Variants in MRLN observed in about 807,000 individuals in gnomAD.
MRLN encodes myoregulin, also known as Linc-RNA activator of myogenesis.
intron 1 of MRLN, among the ~76,000 whole-genome samples, chr10:59,745,492 C>G (rs955955178): frequency 7.5e-5 from 9 of 120,650 alleles, no homozygotes; most frequent in Admixed American, 2.5e-4. Flanking sequence ...ATTCCCCCCC[C>G]CACCCCCCAC....
chr10:59,743,440 T>C (rs980361589), intron 1 of MRLN, among the ~76,000 whole-genome samples: 6 of 152,178 alleles, frequency 3.9e-5, no homozygotes, highest in African/African-American at 1.2e-4. Context: ...AATGAAAGTA[T>C]GTAACTTCTA....
chr10:59,752,721 G>T (rs2070171656), intron 1 of MRLN, among the ~76,000 whole-genome samples: 1 of 152,166 alleles, frequency 6.6e-6, no homozygotes, highest in Admixed American at 6.5e-5. Flanking sequence ...TGGGCTTCAG[G>T]GTCCCCCTTT....
At chr10:59,746,644 C>CAGTT (rs1319463025) in intron 1 of MRLN, among the ~76,000 whole-genome samples, 1 of 152,164 alleles carries the variant, frequency 6.6e-6, no homozygotes, top group Non-Finnish European at 1.5e-5. Flanking sequence ...GAAGGGCTGA[C>CAGTT]AGTTACCCCT....
chr10:59,746,624 G>A (rs894766892), intron 1 of MRLN, among the ~76,000 whole-genome samples: 2 of 152,148 alleles, frequency 1.3e-5, no homozygotes, highest in Non-Finnish European at 2.9e-5. Context: ...AGCTGGTTGT[G>A]GATGGGATGG....
At chr10:59,753,331 A>C (rs905262103) in intron 1 of MRLN, 23 bp downstream of exon 1, 6 of 132,816 alleles carry the variant, frequency 4.5e-5, no homozygotes, top group Non-Finnish European at 9.7e-5. Flanking sequence ...ACAAAACAAA[A>C]CAAACAAAAA....
Position 59,744,484 on chromosome 10 carries a change from A to T in MRLN, c.-124-5922T>A, listed in dbSNP as rs1205481000. 2.1e-5 allele frequency among the ~76,000 whole-genome samples: 3 copies of T among 144,734 alleles called. No homozygotes were observed. The East Asian group carries it at 6.6e-4, about 32-fold the overall frequency. The allele number at this position is 144,734 out of a possible 152,430, so 95.0% of individuals were successfully genotyped here. A position where few individuals can be genotyped will look rare whatever the true frequency, so the allele number is the denominator to read the frequency against. On this transcript the variant is annotated intron_variant, in intron 1 of 2. Transcript: ENST00000414264. ...CGCCCGGCCAGCCGCCCCGTCCGGGAGGTGGGGGGCAGCCCCCGCCCGGCT... is the reference window on the plus strand; with the variant it reads ...CGCCCGGCCAGCCGCCCCGTCCGGGTGGTGGGGGGCAGCCCCCGCCCGGCT...
rs564076064 is a variant in MRLN at position 59,738,097 on chromosome 10, T to C, written c.-21+362A>G. 61 of 152,312 alleles carry C rather than the reference T, an allele frequency of 4.0e-4. 1 individual carries two copies. Among genetic ancestry groups the C allele is most frequent in the African/African-American group, 1.4e-3 (60 of 41,578 alleles). The allele number at this position is 152,312 out of a possible 1,614,324, so 9.4% of individuals were successfully genotyped here. A position where few individuals can be genotyped will look rare whatever the true frequency, so the allele number is the denominator to read the frequency against. ...TGAGTACTCTGCCAGTGTTGTCTAC[T>C]CCCATTTTGAGCTATCTTGATAATT... On this transcript the variant is annotated intron_variant, in intron 2 of 2. Transcript: ENST00000414264.
intron 2 of MRLN, 132 bp from the exon 3 acceptor site, chr10:59,737,352 T>G (rs1840935748): frequency 2.7e-6 from 1 of 365,248 alleles, no homozygotes; most frequent in African/African-American, 2.1e-5. Flanking sequence ...CACACCTATT[T>G]GTAACCAATC....
chr10:59,744,433 C>G (rs1379863221), intron 1 of MRLN, among the ~76,000 whole-genome samples: 3 of 151,502 alleles, frequency 2.0e-5, no homozygotes, highest in Admixed American at 1.3e-4. Flanking sequence ...CGGCAGCTGC[C>G]CCTTCCGGGA....
At chr10:59,752,967 T>G (rs2070180317) in intron 1 of MRLN, among the ~76,000 whole-genome samples, 1 of 152,220 alleles carries the variant, frequency 6.6e-6, no homozygotes, top group Non-Finnish European at 1.5e-5. Context: ...TTTTCATATG[T>G]GAAAATTCTC....
intron 1 of MRLN, among the ~76,000 whole-genome samples, chr10:59,745,631 ATTTC>A (rs1374907552): frequency 6.6e-6 from 1 of 151,856 alleles, no homozygotes; most frequent in Admixed American, 6.6e-5. Flanking sequence ...ATAAGTTTTT[ATTTC>A]TTCCTTTGAT....
chr10:59,743,406 T>C (rs1196798666), intron 1 of MRLN, among the ~76,000 whole-genome samples: 1 of 152,120 alleles, frequency 6.6e-6, no homozygotes, highest in Non-Finnish European at 1.5e-5. Flanking sequence ...GAAAGGAAAA[T>C]TACATTTATC....
intron 1 of MRLN, among the ~76,000 whole-genome samples, chr10:59,746,302 G>A (rs10993987): frequency 0.069 from 10,520 of 152,068 alleles, 526 homozygotes; most frequent in East Asian, 0.2. Context: ...TGCTTAATAA[G>A]CTACTTAAGT....
At chr10:59,751,644 T>G (rs973576252) in intron 1 of MRLN, among the ~76,000 whole-genome samples, 2 of 117,488 alleles carry the variant, frequency 1.7e-5, no homozygotes, top group East Asian at 5.2e-4. Flanking sequence ...CACTCCAGCC[T>G]GGGTGACAGA....
chr10:59,749,843 G>A lies in MRLN; in HGVS notation c.-125+3511C>T, dbSNP rs569656128. On this transcript the variant is annotated intron_variant, in intron 1 of 2. Coordinates refer to ENST00000414264, the MANE Select transcript of MRLN (RefSeq NM_001304731.2). ...GAGGGATGGAGTAGCTCAGTTAGAT[G>A]AGAGGAAACAAATAGCCCTTAAGAG... Among the ~76,000 whole-genome samples the A allele has an allele frequency of 6.8e-4, 104 of 152,142 alleles. 2 individuals are homozygous for A. Among genetic ancestry groups the A allele is most frequent in the African/African-American group, 2.3e-3 (97 of 41,500 alleles).
chr10:59,750,489 T>C (rs1261059118), intron 1 of MRLN, among the ~76,000 whole-genome samples: 1 of 152,246 alleles, frequency 6.6e-6, no homozygotes, highest in Non-Finnish European at 1.5e-5. Flanking sequence ...TTTTTCTACA[T>C]ATGAACAAAC....
At position 59,744,231 on chromosome 10, in the gene MRLN, C is replaced by G. The variant is rs529877587; in HGVS notation, c.-124-5669G>C. 24 of 158,516 alleles carry G rather than the reference C, an allele frequency of 1.5e-4. No homozygotes were observed. The South Asian group carries it at 4.5e-3, about 30-fold the overall frequency. The allele number at this position is 158,516 out of a possible 1,614,324, so 9.8% of individuals were successfully genotyped here. A position where few individuals can be genotyped will look rare whatever the true frequency, so the allele number is the denominator to read the frequency against. On this transcript the variant is annotated intron_variant, in intron 1 of 2. Coordinates refer to ENST00000414264, the MANE Select transcript of MRLN (RefSeq NM_001304731.2). ...CTAGGAAGTGAGGAGCGTCTCTGCC[C>G]GGCCACCCATTGTCTAGGATGTGGG...
At chr10:59,742,527 G>A (rs1840994454) in intron 1 of MRLN, among the ~76,000 whole-genome samples, 1 of 152,138 alleles carries the variant, frequency 6.6e-6, no homozygotes, top group African/African-American at 2.4e-5. Flanking sequence ...AGGGAGTATA[G>A]GGGAAGGAAA....
intron 2 of MRLN, among the ~76,000 whole-genome samples, chr10:59,737,722 C>T (rs937238548): frequency 1.3e-5 from 2 of 150,902 alleles, no homozygotes; most frequent in African/African-American, 4.9e-5. Context: ...CTTACTAAGA[C>T]ATCAAACATT....
Sources: allele counts gnomAD v4.1 joint callset (sites outside exome capture counted in the v4.1 genomes callset), GRCh38; gene constraint gnomAD v4.1.1; transcripts MANE v1.5; gene names NCBI Gene and HGNC (gene_info 2026-07-23, HGNC 2026-07-21).